Variants in KIF17 observed in about 807,000 individuals in gnomAD.
The protein encoded by KIF17 is kinesin family member 17.
In KIF17, 80 loss-of-function variants were observed where a neutral mutation model predicts 96.8. The observed-to-expected ratio is 0.83, with a 90% confidence interval of 0.69 to 1.00. The LOEUF (loss-of-function observed/expected upper bound fraction) is 1.00, where lower values mean the gene tolerates loss of function less well. Ranked by LOEUF, KIF17 falls within the 50% of genes least tolerant of loss-of-function variation. KIF17 has a pLI of 0.00. For synonymous variants in KIF17, 567 were observed against 587.5 expected (o/e 0.97, Z 0.51); for missense variants, 1,280 against 1,372.9 (o/e 0.93, Z 1.07).
At chr1:20,665,100 A>T (rs554895231) in intron 14 of KIF17, among the ~76,000 whole-genome samples, 120 of 151,634 alleles carry the variant, frequency 7.9e-4, no homozygotes, top group African/African-American at 2.9e-3. Context: ...TTCGTCTCTG[A>T]GCCTCAGTTT....
intron 6 of KIF17, 43 bp downstream of exon 6, chr1:20,698,336 C>T (rs1293937280): frequency 3.5e-6 from 5 of 1,438,164 alleles, no homozygotes; most frequent in Non-Finnish European, 4.9e-6. Context: ...CTGGGCCCCA[C>T]CTGCCTGTCC....
chr1:20,684,847 G>A lies in KIF17; in HGVS notation c.2193C>T (p.Asp731=), dbSNP rs1242314905. Residue 731 remains aspartate (D), a synonymous_variant, in exon 10 of 15, where the codon GAC becomes GAT. Coordinates refer to ENST00000400463, the MANE Select transcript of KIF17 (RefSeq NM_001122819.3). The part of the protein sequence containing the change: ...VGMEVAVLTD[D]PLPVVDQQQV... The stretch of plus-strand genomic sequence containing the variant: ...GCTGCTGGTCCACAACGGGCAGCGG[G>A]TCATCAGTCAGCACTGCCACCTCCA... 3.8e-6 allele frequency: 6 copies of A among 1,595,076 alleles called. No homozygotes were observed. In the Admixed American group the frequency reaches 5.2e-5, roughly 14 times the overall value.
chr1:20,687,533 T>G lies in KIF17; in HGVS notation c.1793A>C (p.Gln598Pro). 1 of 1,613,370 alleles carries G rather than the reference T, an allele frequency of 6.2e-7. No homozygotes were observed. Among genetic ancestry groups the G allele is most frequent in the Non-Finnish European group, 8.5e-7 (1 of 1,179,490 alleles). The part of the protein sequence containing the change: ...HLLGEQNYLP[Q>P]EEPQEVPLQG... ...CAGGGGCACCTCCTGCGGCTCCTCT[T>G]GCGGGAGGTAGTTCTGTTCCCCCAG... Residue 598 changes from glutamine (Q) to proline (P), a missense_variant, in exon 8 of 15, where the codon CAA (glutamine) becomes CCA (proline). Transcript: ENST00000400463. The surrounding 1 kb of genome is among the most constrained non-coding windows in gnomAD (Gnocchi z 4.4).
intron 1 of KIF17, 162 bp downstream of exon 1, chr1:20,717,314 T>A: frequency 1.4e-6 from 1 of 714,540 alleles, no homozygotes; most frequent in Non-Finnish European, 2.3e-6. Context: ...CAGGCTCTGG[T>A]TGTGTCCCGC....
rs535214490 is a variant in KIF17, at chr1:20,677,580, G to A, written c.2463+5073C>T. Among the ~76,000 whole-genome samples the A allele has an allele frequency of 3.4e-4, 52 of 152,304 alleles. No homozygotes were observed. The South Asian group carries it at 6.0e-3, about 18-fold the overall frequency. ...TTGTCAAAGAATGAGGAGGCCAGGC[G>A]TAGTGGCTCACGTCTGTAATCCCAG... On this transcript the variant is annotated intron_variant, in intron 11 of 14. Transcript: ENST00000400463.
At chr1:20,708,936 G>A (rs2054389545) in intron 4 of KIF17, among the ~76,000 whole-genome samples, 1 of 152,170 alleles carries the variant, frequency 6.6e-6, no homozygotes, top group Admixed American at 6.5e-5. Context: ...CCACAAGGTT[G>A]GAGTGACACA....
chr1:20,671,865 A>G (rs1476066463), intron 12 of KIF17, 73 bp downstream of exon 12: 12 of 1,550,734 alleles, frequency 7.7e-6, no homozygotes, highest in Non-Finnish European at 1.1e-5. Flanking sequence ...AGAGGCCCAC[A>G]CTCCCTGCCA....
intron 12 of KIF17, among the ~76,000 whole-genome samples, chr1:20,670,990 A>T (rs1412989845): frequency 1.3e-5 from 2 of 152,130 alleles, no homozygotes; most frequent in African/African-American, 4.8e-5. Context: ...AGGTCATCTG[A>T]TCCAACCCCT....
rs1426169089 is a variant in KIF17, at chr1:20,712,608, A to ATTATATATATAGATAATATTATC, written c.480+845_480+846insGATAATATTATCTATATATATAA. Among the ~76,000 whole-genome samples, 2 of 20,798 alleles carry ATTATATATATAGATAATATTATC rather than the reference A, an allele frequency of 9.6e-5. 1 individual carries two copies. Among genetic ancestry groups the ATTATATATATAGATAATATTATC allele is most frequent in the African/African-American group, 2.5e-4 (2 of 8,146 alleles). 13.6% of individuals were successfully genotyped at this position (20,798 alleles called of 152,430 possible). A position where few individuals can be genotyped will look rare whatever the true frequency, so the allele number is the denominator to read the frequency against. The stretch of plus-strand genomic sequence containing the variant: ...TATATATATATCTATATATATCTAT[A>ATTATATATATAGATAATATTATC]TATATATAATATAGATAATATCTAT... On this transcript the variant is annotated intron_variant, in intron 3 of 14. Coordinates refer to ENST00000400463, the MANE Select transcript of KIF17 (RefSeq NM_001122819.3).
At position 20,682,206 on chromosome 1, in the gene KIF17, C is replaced by T. The variant is rs546073806; in HGVS notation, c.2463+447G>A. On this transcript the variant is annotated intron_variant, in intron 11 of 14. Transcript: ENST00000400463. ...ACATACCCGCATGCGTGCACACACA[C>T]AACACACACACTGGGAGGCAAGCTC... Among the ~76,000 whole-genome samples, 14 of 152,160 alleles carry T rather than the reference C, an allele frequency of 9.2e-5. No homozygotes were observed. The South Asian group carries it at 2.9e-3, about 32-fold the overall frequency.
intron 6 of KIF17, among the ~76,000 whole-genome samples, chr1:20,697,935 G>C (rs2054170245): frequency 6.6e-6 from 1 of 152,214 alleles, no homozygotes; most frequent in Admixed American, 6.5e-5. Flanking sequence ...CTGGTCAAAC[G>C]GGCTGCCTGG....
In KIF17 at chr1:20,687,260, A is replaced by G; in HGVS notation, c.1938+128T>C. 9.5e-7 allele frequency: 1 copy of G among 1,051,638 alleles called. No individual in the cohort carries two copies. Among genetic ancestry groups the G allele is most frequent in the Non-Finnish European group, 1.5e-6 (1 of 684,020 alleles). 65.1% of individuals were successfully genotyped at this position (1,051,638 alleles called of 1,614,324 possible). A position where few individuals can be genotyped will look rare whatever the true frequency, so the allele number is the denominator to read the frequency against. On this transcript the variant is annotated intron_variant, in intron 8 of 14. Coordinates refer to ENST00000400463, the MANE Select transcript of KIF17 (RefSeq NM_001122819.3). The surrounding 1 kb of genome is among the most constrained non-coding windows in gnomAD (Gnocchi z 4.4). Reference sequence around the variant, plus strand: ...GCCACCAGTGCCAGAGCCGCAGCAGACACAGTGGAGCCACGGCCTGAGTGT... The same window carrying G: ...GCCACCAGTGCCAGAGCCGCAGCAGGCACAGTGGAGCCACGGCCTGAGTGT...
chr1:20,679,665 G>T (rs983236708), intron 11 of KIF17, among the ~76,000 whole-genome samples: 1 of 152,084 alleles, frequency 6.6e-6, no homozygotes, highest in South Asian at 2.1e-4. Context: ...GAATGCAGGC[G>T]GTGTCTAGAA....
At chr1:20,698,642 G>A (rs2054183914) in intron 5 of KIF17, among the ~76,000 whole-genome samples, 154 bp from the exon 6 acceptor site, 1 of 152,226 alleles carries the variant, frequency 6.6e-6, no homozygotes, top group South Asian at 2.1e-4. Context: ...AAGGCTGTTA[G>A]TCATCCAACA....
At chr1:20,683,868 G>A (rs1001904074) in intron 10 of KIF17, among the ~76,000 whole-genome samples, 37 of 151,672 alleles carry the variant, frequency 2.4e-4, no homozygotes, top group South Asian at 4.1e-4. Context: ...TCTCTAGGAT[G>A]CCACCCCTGC....
At chr1:20,669,864 CAAAAAAAAAAAAAAAAAAAAAAAAA>C (rs61673996) in intron 13 of KIF17, among the ~76,000 whole-genome samples, 23 of 18,440 alleles carry the variant, frequency 1.2e-3, no homozygotes, top group African/African-American at 3.3e-3. Flanking sequence ...GACTCCATCT[CAAAAAAAAAAAAAAAAAAAAAAAAA>C]AAAAAAAAAA....
chr1:20,681,140 T>A (rs79289921), intron 11 of KIF17, among the ~76,000 whole-genome samples: 1 of 141,866 alleles, frequency 7.0e-6, no homozygotes, highest in African/African-American at 2.6e-5. Flanking sequence ...AAAAAAAAAA[T>A]CCAGGAAAAT....
chr1:20,703,366 G>A (rs1394350969), intron 5 of KIF17, among the ~76,000 whole-genome samples: 1 of 151,960 alleles, frequency 6.6e-6, no homozygotes. Context: ...ATGGAAGAAA[G>A]GAAGGAAGGG....
Position 20,712,823 on chromosome 1 carries a change from G to GATATTATCTATATTATAGATATAGATA in KIF17, c.480+604_480+630dup, listed in dbSNP as rs1338095273. Among the ~76,000 whole-genome samples, 6 of 28,912 alleles carry GATATTATCTATATTATAGATATAGATA rather than the reference G, an allele frequency of 2.1e-4. 2 individuals are homozygous for GATATTATCTATATTATAGATATAGATA. The highest frequency in any genetic ancestry group is 9.5e-4 in the East Asian group (1 of 1,058). The allele number at this position is 28,912 out of a possible 152,430, so 19.0% of individuals were successfully genotyped here. A position where few individuals can be genotyped will look rare whatever the true frequency, so the allele number is the denominator to read the frequency against. ...AGATAATATCTATATATATAATATA[G>GATATTATCTATATTATAGATATAGATA]ATATTATCTATATTATAGATATAGA... is the stretch of plus-strand genomic sequence containing the variant. On this transcript the variant is annotated intron_variant, in intron 3 of 14. Coordinates refer to ENST00000400463, the MANE Select transcript of KIF17 (RefSeq NM_001122819.3).
Sources: gnomAD v4.1 joint callset for allele counts (sites outside exome capture counted in the v4.1 genomes callset) on GRCh38, gnomAD v4.1.1 for gene constraint, Gnocchi (gnomAD v3.1) non-coding constraint, MANE v1.5 for transcripts, NCBI Gene and HGNC (gene_info 2026-07-23, HGNC 2026-07-21) for gene names.